Variants in CACNA2D3 observed in about 807,000 individuals in gnomAD.
The protein encoded by CACNA2D3 is calcium voltage-gated channel auxiliary subunit alpha2delta 3.
In CACNA2D3, 60 loss-of-function variants were observed where a neutral mutation model predicts 160.6. That is an observed-to-expected ratio of 0.37 (90% CI 0.30 to 0.46). The LOEUF (loss-of-function observed/expected upper bound fraction) is 0.46. Among genes scored for constraint, CACNA2D3 ranks in the 20% least tolerant of loss-of-function variants. The pLI is 1.00. For synonymous variants in CACNA2D3, 558 were observed against 492.9 expected, an observed-to-expected ratio of 1.13 and a Z score of -1.75; for missense variants, 1,205 against 1,365.0, an observed-to-expected ratio of 0.88 and a Z score of 1.85.
At chr3:54,447,932 A>G (rs986285026) in intron 4 of CACNA2D3, among the ~76,000 whole-genome samples, 2 of 152,200 alleles carry the variant, frequency 1.3e-5, no homozygotes, top group African/African-American at 2.4e-5. Context: ...TAACAATAGA[A>G]AAACCCGTAT....
At chr3:54,507,783 C>G (rs2106954408) in intron 5 of CACNA2D3, among the ~76,000 whole-genome samples, 1 of 152,328 alleles carries the variant, frequency 6.6e-6, no homozygotes, top group East Asian at 1.9e-4. Flanking sequence ...GACCCACTGA[C>G]CCCAGGGTTG....
chr3:54,256,945 C>T (rs1045049495), intron 2 of CACNA2D3, among the ~76,000 whole-genome samples: 2 of 152,190 alleles, frequency 1.3e-5, no homozygotes, highest in Non-Finnish European at 2.9e-5. Context: ...TCAGTGCTGG[C>T]ACTTTATAAA....
chr3:54,441,382 A>G (rs1044457258), intron 4 of CACNA2D3, among the ~76,000 whole-genome samples: 1 of 152,122 alleles, frequency 6.6e-6, no homozygotes, highest in Non-Finnish European at 1.5e-5. Context: ...GATTCTGGAT[A>G]TTAGCCCTTT....
intron 11 of CACNA2D3, among the ~76,000 whole-genome samples, chr3:54,716,899 T>TA (rs1491107575): frequency 2.2e-5 from 3 of 133,360 alleles, no homozygotes; most frequent in Non-Finnish European, 5.0e-5. Context: ...ACGCAAAACT[T>TA]GTGTGGCACT....
At position 54,989,515 on chromosome 3, in the gene CACNA2D3, G is replaced by T. The variant is rs547222403; in HGVS notation, c.2690+1762G>T. On this transcript the variant is annotated intron_variant, in intron 31 of 37. Transcript: ENST00000474759. ...TCCTCACTGGGGCCAGTAGAGCATTGAGAGTTTGATTTTTGGAGTCAGACA... is the reference window on the plus strand; with the variant it reads ...TCCTCACTGGGGCCAGTAGAGCATTTAGAGTTTGATTTTTGGAGTCAGACA... Among the ~76,000 whole-genome samples the T allele has an allele frequency of 1.7e-4, 26 of 152,302 alleles. 1 individual carries two copies. Among genetic ancestry groups the T allele is most frequent in the African/African-American group, 6.3e-4 (26 of 41,566 alleles).
intron 2 of CACNA2D3, chr3:54,272,660 C>T (rs1403905144): frequency 6.6e-6 from 1 of 152,138 alleles, no homozygotes; most frequent in Admixed American, 6.5e-5. Context: ...GAGAACTCTC[C>T]CTGAGCCCTC....
chr3:54,906,242 G>A (rs749120183), intron 27 of CACNA2D3, among the ~76,000 whole-genome samples: 4 of 152,212 alleles, frequency 2.6e-5, no homozygotes, highest in South Asian at 2.1e-4. Context: ...GAGGGAGGGA[G>A]GAAGAAGGAA....
At chr3:54,885,197 C>A in intron 21 of CACNA2D3, 84 bp from the exon 22 acceptor site, 1 of 1,451,638 alleles carries the variant, frequency 6.9e-7, no homozygotes, top group Non-Finnish European at 9.7e-7. Flanking sequence ...ACCCACCCCG[C>A]AGCCCTACCC....
chr3:54,798,910 T>C (rs1702924975), intron 13 of CACNA2D3, among the ~76,000 whole-genome samples: 1 of 152,352 alleles, frequency 6.6e-6, no homozygotes, highest in South Asian at 2.1e-4. Flanking sequence ...GCTCCATTAC[T>C]CAGCTGCCTG....
rs370024020 is a variant in CACNA2D3 at position 54,749,404 on chromosome 3, A to G, written c.1168-3195A>G. The stretch of plus-strand genomic sequence containing the variant: ...AACATCCTTGTACTTTTAATTGTGT[A>G]TTTTTGAAAATGTCTAAATCTGAAT... On this transcript the variant is annotated intron_variant, in intron 11 of 37. Transcript: ENST00000474759. Among the ~76,000 whole-genome samples the G allele has an allele frequency of 6.6e-5, 10 of 152,300 alleles. 1 individual carries two copies. The highest frequency in any genetic ancestry group is 2.4e-4 in the African/African-American group (10 of 41,588).
intron 11 of CACNA2D3, among the ~76,000 whole-genome samples, chr3:54,685,689 G>A (rs1257150036): frequency 2.0e-5 from 3 of 152,158 alleles, no homozygotes; most frequent in Non-Finnish European, 2.9e-5. Context: ...GGCTGACATC[G>A]TCCCTACCTA....
At chr3:54,497,855 T>C (rs1300652524) in intron 4 of CACNA2D3, among the ~76,000 whole-genome samples, 1 of 151,970 alleles carries the variant, frequency 6.6e-6, no homozygotes, top group Non-Finnish European at 1.5e-5. Context: ...TATTTGATGT[T>C]ATGATTTTCC....
intron 35 of CACNA2D3, among the ~76,000 whole-genome samples, chr3:55,058,151 G>C: frequency 6.6e-6 from 1 of 152,204 alleles, no homozygotes; most frequent in East Asian, 1.9e-4. Flanking sequence ...TTGTGATAAG[G>C]GACAGTTGAA....
intron 17 of CACNA2D3, among the ~76,000 whole-genome samples, chr3:54,850,940 C>G (rs1287868737): frequency 6.6e-6 from 1 of 152,192 alleles, no homozygotes; most frequent in African/African-American, 2.4e-5. Flanking sequence ...TTCATTCCTT[C>G]AACATACACT....
At chr3:54,999,447 A>T (rs1016742062) in intron 31 of CACNA2D3, among the ~76,000 whole-genome samples, 4 of 152,174 alleles carry the variant, frequency 2.6e-5, no homozygotes, top group African/African-American at 9.7e-5. Context: ...TTTACATGCT[A>T]CCTTAGTGAG....
At chr3:54,749,451 G>A (rs954287073) in intron 11 of CACNA2D3, among the ~76,000 whole-genome samples, 1 of 152,000 alleles carries the variant, frequency 6.6e-6, no homozygotes, top group African/African-American at 2.4e-5. Context: ...CAGAAAATAT[G>A]TACTCTCTTC....
intron 35 of CACNA2D3, among the ~76,000 whole-genome samples, chr3:55,024,629 G>C (rs961867882): frequency 6.6e-6 from 1 of 152,152 alleles, no homozygotes; most frequent in African/African-American, 2.4e-5. Flanking sequence ...CTGGTGTCTT[G>C]ATCTTGGGAT....
At chr3:54,521,526 A>G (rs371478991) in intron 5 of CACNA2D3, among the ~76,000 whole-genome samples, 1 of 152,150 alleles carries the variant, frequency 6.6e-6, no homozygotes, top group East Asian at 1.9e-4. Context: ...ATGCTCTTTG[A>G]AGAACAAAAG....
chr3:54,865,704 C>T (rs1699386821), intron 17 of CACNA2D3, among the ~76,000 whole-genome samples: 1 of 152,226 alleles, frequency 6.6e-6, no homozygotes, highest in African/African-American at 2.4e-5. Context: ...TGTGAAGGAA[C>T]TTCCTCCCTA....
Sources: gnomAD v4.1 joint callset for allele counts (sites outside exome capture counted in the v4.1 genomes callset) on GRCh38, gnomAD v4.1.1 for gene constraint, MANE v1.5 for transcripts, NCBI Gene and HGNC (gene_info 2026-07-23, HGNC 2026-07-21) for gene names.